The following KCTD8 variants were observed in gnomAD, a reference collection of about 807,000 sequenced individuals.
The protein encoded by KCTD8 is BTB/POZ domain-containing protein KCTD8.
A neutral mutation model predicts 31.5 loss-of-function variants in KCTD8; 27 were observed. The ratio of observed to expected loss-of-function variants is 0.86; its 90% confidence interval spans 0.63 to 1.18. The LOEUF (loss-of-function observed/expected upper bound fraction) is 1.18, where lower values mean the gene tolerates loss of function less well. KCTD8 is among the 50% of genes most tolerant of loss of function. KCTD8 has a pLI of 0.00. For missense variants in KCTD8, 658 were observed against 647.7 expected (o/e 1.02, Z -0.17); for synonymous variants, 290 against 280.0 (o/e 1.04, Z -0.36).
At chr4:44,385,285 T>G (rs1416051904) in intron 1 of KCTD8, among the ~76,000 whole-genome samples, 1 of 151,566 alleles carries the variant, frequency 6.6e-6, no homozygotes, top group African/African-American at 2.4e-5. Flanking sequence ...GGTCTCACAT[T>G]TCCCAACTTC....
In KCTD8 at chr4:44,448,437, C is replaced by G; in HGVS notation, c.87G>C (p.Ser29=). 2 of 1,547,768 alleles carry G rather than the reference C, an allele frequency of 1.3e-6. No homozygotes were observed. Among genetic ancestry groups the G allele is most frequent in the Non-Finnish European group, 1.7e-6 (2 of 1,155,140 alleles). The part of the protein sequence containing the change: ...MVSSSSSPGA[S]AAAAPGPCAP... ...CGCAGGGCCCCGGGGCGGCGGCGGC[C>G]GACGCGCCGGGCGAGCTGGACGAGG... The change falls in exon 1 of 2, where the codon TCG becomes TCC. Residue 29 remains serine (S), a synonymous_variant. Transcript: ENST00000360029. The surrounding 1 kb of genome is among the most constrained non-coding windows in gnomAD (Gnocchi z 4.1).
intron 1 of KCTD8, among the ~76,000 whole-genome samples, chr4:44,373,039 T>C (rs915434961): frequency 2.6e-5 from 4 of 152,094 alleles, no homozygotes; most frequent in Non-Finnish European, 4.4e-5. Flanking sequence ...TTTCACCACA[T>C]TTACAATGCT....
At chr4:44,295,112 GGGAGACCCTGTCTCCATAT>G (rs1368372867) in intron 1 of KCTD8, among the ~76,000 whole-genome samples, 5 of 151,922 alleles carry the variant, frequency 3.3e-5, no homozygotes, top group Non-Finnish European at 5.9e-5. Context: ...GGGTAATGTG[GGGAGACCCTGTCTCCATAT>G]TTTAAAAAAT....
At chr4:44,385,784 A>G (rs972798251) in intron 1 of KCTD8, among the ~76,000 whole-genome samples, 1 of 151,668 alleles carries the variant, frequency 6.6e-6, no homozygotes, top group Admixed American at 6.6e-5. Context: ...GAATGAGGGA[A>G]GTATCTTCAA....
intron 1 of KCTD8, among the ~76,000 whole-genome samples, chr4:44,334,241 A>G (rs1001569337): frequency 1.3e-5 from 2 of 152,120 alleles, no homozygotes; most frequent in Non-Finnish European, 2.9e-5. Context: ...ACTATGATAC[A>G]GCAAAGAAAA....
chr4:44,213,200 TGCTGG>T (rs1461836535), intron 1 of KCTD8, among the ~76,000 whole-genome samples: 1 of 152,204 alleles, frequency 6.6e-6, no homozygotes, highest in East Asian at 1.9e-4. Context: ...CCTCCCAGAG[TGCTGG>T]GAATACAGGC....
chr4:44,279,127 T>C (rs1387840941), intron 1 of KCTD8, among the ~76,000 whole-genome samples: 2 of 152,068 alleles, frequency 1.3e-5, no homozygotes, highest in Non-Finnish European at 1.5e-5. Context: ...ATAGTCATAT[T>C]TGCATAAAGG....
At chr4:44,364,198 G>T (rs898475413) in intron 1 of KCTD8, among the ~76,000 whole-genome samples, 2 of 152,072 alleles carry the variant, frequency 1.3e-5, no homozygotes, top group African/African-American at 4.8e-5. Context: ...TAGAGGACTT[G>T]TATCCAAAAT....
intron 1 of KCTD8, among the ~76,000 whole-genome samples, chr4:44,366,767 A>C (rs945904796): frequency 6.6e-6 from 1 of 151,966 alleles, no homozygotes. Context: ...TCATTAAGCA[A>C]CACAGTCTTC....
intron 1 of KCTD8, among the ~76,000 whole-genome samples, chr4:44,405,871 A>G (rs1263823230): frequency 6.6e-6 from 1 of 151,338 alleles, no homozygotes; most frequent in Non-Finnish European, 1.5e-5. Flanking sequence ...TTTATCCTGA[A>G]GCATGTCCAT....
At chr4:44,272,025 A>G (rs1716624419) in intron 1 of KCTD8, among the ~76,000 whole-genome samples, 1 of 151,782 alleles carries the variant, frequency 6.6e-6, no homozygotes, top group African/African-American at 2.4e-5. Context: ...GAAAGTACCT[A>G]TATCTCAGGG....
intron 1 of KCTD8, among the ~76,000 whole-genome samples, chr4:44,298,106 A>G (rs1717491113): frequency 6.6e-6 from 1 of 152,178 alleles, no homozygotes; most frequent in African/African-American, 2.4e-5. Context: ...TGTGTATAGA[A>G]TGATAATTGT....
At chr4:44,216,358 A>T (rs1714651101) in intron 1 of KCTD8, among the ~76,000 whole-genome samples, 2 of 152,176 alleles carry the variant, frequency 1.3e-5, no homozygotes, top group East Asian at 3.9e-4. Flanking sequence ...TTAAAAGATA[A>T]ATAACAGTAA....
intron 1 of KCTD8, among the ~76,000 whole-genome samples, chr4:44,423,740 T>G (rs2109472418): frequency 6.6e-6 from 1 of 151,778 alleles, no homozygotes; most frequent in East Asian, 1.9e-4. Flanking sequence ...TTCCACTGAG[T>G]TATGAACAGA....
chr4:44,448,648 A>G lies in KCTD8; in HGVS notation c.-125T>C. 9.3e-7 allele frequency: 1 copy of G among 1,074,278 alleles called. No individual in the cohort carries two copies. The highest frequency in any genetic ancestry group is 1.2e-6 in the Non-Finnish European group (1 of 838,234). 66.5% of individuals were successfully genotyped at this position (1,074,278 alleles called of 1,614,324 possible). A position where few individuals can be genotyped will look rare whatever the true frequency, so the allele number is the denominator to read the frequency against. ...TCGGACTGGGCGGCGCGTTCCTCCG[A>G]CCGGGGCGGCCCCGCTCAGGGTTCG... On this transcript the variant is annotated 5_prime_UTR_variant, in exon 1 of 2. Coordinates refer to ENST00000360029, the MANE Select transcript of KCTD8 (RefSeq NM_198353.3). This position sits in a 1 kb window ranked among gnomAD's most constrained non-coding sequence, Gnocchi z 4.1.
At chr4:44,346,759 G>A (rs963422629) in intron 1 of KCTD8, among the ~76,000 whole-genome samples, 4 of 152,128 alleles carry the variant, frequency 2.6e-5, no homozygotes, top group Non-Finnish European at 4.4e-5. Context: ...CTCATTTATA[G>A]AGCTTGTGCT....
intron 1 of KCTD8, among the ~76,000 whole-genome samples, chr4:44,412,858 G>C (rs1186827573): frequency 6.6e-6 from 1 of 152,138 alleles, no homozygotes; most frequent in Non-Finnish European, 1.5e-5. Flanking sequence ...CTGAGACTTT[G>C]TGTAGATAAT....
At chr4:44,333,955 T>C (rs1213918125) in intron 1 of KCTD8, among the ~76,000 whole-genome samples, 1 of 152,080 alleles carries the variant, frequency 6.6e-6, no homozygotes, top group African/African-American at 2.4e-5. Context: ...TCAAAATACA[T>C]GGATCACAGA....
intron 1 of KCTD8, among the ~76,000 whole-genome samples, chr4:44,303,842 G>A (rs1052466119): frequency 6.6e-6 from 1 of 151,776 alleles, no homozygotes; most frequent in Non-Finnish European, 1.5e-5. Context: ...ACTCCTAATC[G>A]TTTTTAACAT....
Sources: allele counts gnomAD v4.1 joint callset (sites outside exome capture counted in the v4.1 genomes callset), GRCh38; gene constraint gnomAD v4.1.1; non-coding constraint Gnocchi (gnomAD v3.1); transcripts MANE v1.5; gene names NCBI Gene and HGNC (gene_info 2026-07-23, HGNC 2026-07-21).